SHF: variants seen among roughly 807,000 people sequenced by gnomAD.
The protein encoded by SHF is Src homology 2 domain containing F.
A neutral mutation model predicts 42.4 loss-of-function variants in SHF; 30 were observed. That is an observed-to-expected ratio of 0.71 (90% CI 0.53 to 0.96). The LOEUF (loss-of-function observed/expected upper bound fraction) is 0.96, where lower values mean the gene tolerates loss of function less well. Among genes scored for constraint, SHF ranks in the 40% least tolerant of loss-of-function variants. The pLI is 0.00. For synonymous variants in SHF, 264 were observed against 269.9 expected (o/e 0.98, Z 0.21); for missense variants, 598 against 634.0 (o/e 0.94, Z 0.61).
upstream of SHF, among the ~76,000 whole-genome samples, chr15:45,188,802 A>T (rs1898607890): frequency 1.3e-5 from 2 of 152,204 alleles, no homozygotes; most frequent in Admixed American, 1.3e-4. Flanking sequence ...CAAGTCAATA[A>T]ATCAAGTCTA....
chr15:45,178,656 T>G (rs1023268992), intron 1 of SHF, among the ~76,000 whole-genome samples: 6 of 150,084 alleles, frequency 4.0e-5, no homozygotes, highest in African/African-American at 1.2e-4. Context: ...TGCCTCAGCC[T>G]CCCGAGTAGC....
At chr15:45,198,521 A>C in intron 2 of SHF, 1 of 458,770 alleles carries the variant, frequency 2.2e-6, no homozygotes, top group Non-Finnish European at 3.8e-6. Context: ...GGTTCGTTTC[A>C]AGAAAGTGAA....
chr15:45,171,658 G>C (rs1230493008), intron 6 of SHF: 1 of 591,618 alleles, frequency 1.7e-6, no homozygotes, highest in Admixed American at 3.0e-5. Flanking sequence ...CACACAACTA[G>C]AACAGAACCC....
In SHF at chr15:45,178,049, A is replaced by C. The variant is rs936140758; in HGVS notation, c.640+116T>G. ...ACCATCCTCCCTAAGGACCTGGAAA[A>C]GACTTTCTCCATATTTTCCAGGGAC... On this transcript the variant is annotated intron_variant, in intron 2 of 6. Transcript: ENST00000690270. 2.9e-6 allele frequency: 4 copies of C among 1,397,846 alleles called. No individual in the cohort carries two copies. The African/African-American group carries it at 5.8e-5, about 20-fold the overall frequency. 86.6% of individuals were successfully genotyped at this position (1,397,846 alleles called of 1,614,324 possible).
chr15:45,200,493 A>T, intron 1 of SHF: 2 of 349,244 alleles, frequency 5.7e-6, no homozygotes, highest in South Asian at 4.4e-5. Flanking sequence ...GCGAGCTACT[A>T]GGGACACAGG....
rs1477454233 is a variant in SHF at position 45,167,765 on chromosome 15, C to T, written c.*182G>A. The T allele has an allele frequency of 1.0e-5, 5 of 487,918 alleles. No individual in the cohort carries two copies. In the East Asian group the frequency reaches 1.7e-4, roughly 17 times the overall value. The allele number at this position is 487,918 out of a possible 1,614,324, so 30.2% of individuals were successfully genotyped here. On this transcript the variant is annotated 3_prime_UTR_variant, in exon 7 of 7. Coordinates refer to ENST00000690270, the MANE Select transcript of SHF (RefSeq NM_001394037.1). ...TCCTCTTTCCCCAGCTCCAGACAAC[C>T]CCTTACTCCAAGGCCCCAGGAGCCC...
At chr15:45,194,415 G>C (rs553403277) in intron 2 of SHF, among the ~76,000 whole-genome samples, 1 of 151,754 alleles carries the variant, frequency 6.6e-6, no homozygotes, top group African/African-American at 2.4e-5. Flanking sequence ...GCAGTGGCGC[G>C]ATCTTGGCTC....
upstream of SHF, among the ~76,000 whole-genome samples, chr15:45,191,650 A>G (rs930070817): frequency 6.6e-5 from 10 of 152,268 alleles, no homozygotes; most frequent in South Asian, 6.2e-4. Flanking sequence ...TTAGTTTTAT[A>G]TAGCTATAAT....
At chr15:45,197,462 G>A (rs979899680) in intron 2 of SHF, among the ~76,000 whole-genome samples, 7 of 152,110 alleles carry the variant, frequency 4.6e-5, no homozygotes, top group African/African-American at 1.7e-4. Context: ...AAGAGAAGGG[G>A]GACACGGGAG....
intron 3 of SHF, 56 bp downstream of exon 3, chr15:45,175,163 A>T: frequency 6.5e-7 from 1 of 1,531,936 alleles, no homozygotes; most frequent in South Asian, 1.2e-5. Context: ...CATTCTCTTG[A>T]GCCTGGAAAG....
chr15:45,200,484 C>A lies in SHF; in HGVS notation c.-47+243G>T, dbSNP rs1011993517. 8.7e-6 allele frequency: 3 copies of A among 343,398 alleles called. No homozygotes were observed. The East Asian group carries it at 2.2e-4, about 25-fold the overall frequency. The allele number at this position is 343,398 out of a possible 1,614,324, so 21.3% of individuals were successfully genotyped here. A position where few individuals can be genotyped will look rare whatever the true frequency, so the allele number is the denominator to read the frequency against. On this transcript the variant is annotated intron_variant, in intron 1 of 7. Coordinates refer to the SHF transcript ENST00000290894. ...AGTACTAACCACTATACGATCACGG[C>A]GAGCTACTAGGGACACAGGACCTCG...
intron 2 of SHF, among the ~76,000 whole-genome samples, chr15:45,196,624 G>A (rs1488607985): frequency 6.6e-6 from 1 of 152,062 alleles, no homozygotes; most frequent in Non-Finnish European, 1.5e-5. Context: ...AAGGCCGGGC[G>A]TGGTGGCTCA....
intron 3 of SHF, chr15:45,174,160 A>G: frequency 5.1e-6 from 1 of 195,352 alleles, no homozygotes; most frequent in Non-Finnish European, 1.1e-5. Context: ...GGGAACTCGC[A>G]GGCAGCAAGA....
At chr15:45,184,135 G>A (rs138043429) in intron 1 of SHF, among the ~76,000 whole-genome samples, 2 of 152,286 alleles carry the variant, frequency 1.3e-5, no homozygotes, top group South Asian at 2.1e-4. Context: ...CCCTTTCAGC[G>A]CCTAATGACA....
intron 2 of SHF, among the ~76,000 whole-genome samples, chr15:45,196,846 C>T (rs932632960): frequency 6.6e-6 from 1 of 150,382 alleles, no homozygotes; most frequent in Non-Finnish European, 1.5e-5. Context: ...TTGCAGTGAG[C>T]CAAGATTGCA....
upstream of SHF, among the ~76,000 whole-genome samples, chr15:45,190,769 A>G (rs1441819853): frequency 6.6e-6 from 1 of 152,194 alleles, no homozygotes. Flanking sequence ...GGGAGTATTC[A>G]TGATGGGAAG....
rs1259259205 is a variant in SHF at position 45,172,132 on chromosome 15, G to T, written c.1160+15C>A. On this transcript the variant is annotated intron_variant, in intron 5 of 6. Coordinates refer to ENST00000690270, the MANE Select transcript of SHF (RefSeq NM_001394037.1). ...GGAGTGGGGAGGGAGTCCCCAGCTG[G>T]ACACAGACACTCACACCTGGTTTTC... is the stretch of plus-strand genomic sequence containing the variant. The T allele has an allele frequency of 2.5e-6, 4 of 1,613,770 alleles. No individual in the cohort carries two copies. In the African/African-American group the frequency reaches 5.3e-5, roughly 22 times the overall value.
upstream of SHF, among the ~76,000 whole-genome samples, chr15:45,192,646 C>T (rs914705865): frequency 2.0e-5 from 3 of 152,190 alleles, no homozygotes; most frequent in Non-Finnish European, 4.4e-5. Context: ...GCTGGGATTA[C>T]AAGTGTGAGC....
At chr15:45,194,643 C>T (rs938768839) in intron 2 of SHF, among the ~76,000 whole-genome samples, 14 of 151,772 alleles carry the variant, frequency 9.2e-5, no homozygotes, top group African/African-American at 2.7e-4. Flanking sequence ...TGAGCCACTG[C>T]GCCTGGCCTC....
Sources: allele counts gnomAD v4.1 joint callset (sites outside exome capture counted in the v4.1 genomes callset), GRCh38; gene constraint gnomAD v4.1.1; transcripts MANE v1.5; gene names NCBI Gene and HGNC (gene_info 2026-07-23, HGNC 2026-07-21).